Variants in NAALADL2 observed in about 807,000 individuals in gnomAD.
NAALADL2 encodes inactive N-acetylated-alpha-linked acidic dipeptidase-like protein 2.
In NAALADL2, 76 loss-of-function variants were observed where a neutral mutation model predicts 87.2. That is an observed-to-expected ratio of 0.87 (90% CI 0.72 to 1.05). NAALADL2 has a LOEUF of 1.05. NAALADL2 is among the 50% of genes least tolerant of loss of function. NAALADL2 has a pLI of 0.00. For synonymous variants in NAALADL2, 354 were observed against 331.0 expected, an observed-to-expected ratio of 1.07 and a Z score of -0.75; for missense variants, 1,089 against 945.8, an observed-to-expected ratio of 1.15 and a Z score of -1.99.
chr3:175,211,213 C>T (rs951239794), intron 2 of NAALADL2, among the ~76,000 whole-genome samples: 5 of 151,754 alleles, frequency 3.3e-5, no homozygotes, highest in Non-Finnish European at 5.9e-5. Context: ...ATTGAAACTG[C>T]CTTGGAAAAA....
At chr3:174,974,366 A>AT (rs1407969295) in intron 1 of NAALADL2, among the ~76,000 whole-genome samples, 1 of 152,132 alleles carries the variant, frequency 6.6e-6, no homozygotes, top group Non-Finnish European at 1.5e-5. Context: ...TGTCCAATAA[A>AT]TTTTTTGAAA....
chr3:175,704,678 C>T (rs1162352293), intron 11 of NAALADL2, among the ~76,000 whole-genome samples: 1 of 152,044 alleles, frequency 6.6e-6, no homozygotes, highest in Non-Finnish European at 1.5e-5. Context: ...TGATCTATAC[C>T]TTTGTTTCTC....
intron 11 of NAALADL2, among the ~76,000 whole-genome samples, chr3:175,651,452 C>T (rs900590567): frequency 6.6e-6 from 1 of 152,116 alleles, no homozygotes; most frequent in African/African-American, 2.4e-5. Context: ...TGGCTGGTTT[C>T]ACTCTAATTC....
intron 13 of NAALADL2, among the ~76,000 whole-genome samples, chr3:175,772,807 C>T (rs917608343): frequency 8.5e-5 from 13 of 152,092 alleles, no homozygotes; most frequent in East Asian, 7.7e-4. Context: ...AGATCCTTCC[C>T]GCTGTTGTAA....
At chr3:174,767,590 TA>T (rs1713983226) in intron 3 of NAALADL2, among the ~76,000 whole-genome samples, 1 of 152,144 alleles carries the variant, frequency 6.6e-6, no homozygotes, top group Non-Finnish European at 1.5e-5. Context: ...TTCACTAGCT[TA>T]CCCACGCCAG....
At chr3:175,470,190 C>T (rs2161042) in intron 8 of NAALADL2, among the ~76,000 whole-genome samples, 104,522 of 151,952 alleles carry the variant, frequency 0.69, 36,217 homozygotes, top group East Asian at 0.76. Flanking sequence ...TAACACATTT[C>T]CTTTTTCTAT....
chr3:174,984,730 A>G (rs1339444456), intron 1 of NAALADL2, among the ~76,000 whole-genome samples: 4 of 152,218 alleles, frequency 2.6e-5, no homozygotes, highest in Admixed American at 2.0e-4. Flanking sequence ...AATTTGAAGT[A>G]AACTTGAAGA....
At chr3:174,571,984 A>C (rs1714983744) in intron 2 of NAALADL2, among the ~76,000 whole-genome samples, 1 of 152,204 alleles carries the variant, frequency 6.6e-6, no homozygotes, top group Non-Finnish European at 1.5e-5. Flanking sequence ...AAAATGAAGA[A>C]AGCTACCCTG....
At chr3:175,757,260 A>G (rs1012983805) in intron 13 of NAALADL2, among the ~76,000 whole-genome samples, 4 of 152,128 alleles carry the variant, frequency 2.6e-5, no homozygotes, top group Admixed American at 2.6e-4. Context: ...TTAATTACAT[A>G]TAAGAAAAAG....
chr3:174,845,175 T>C (rs561605199), intron 3 of NAALADL2, among the ~76,000 whole-genome samples: 11 of 152,212 alleles, frequency 7.2e-5, no homozygotes, highest in Non-Finnish European at 1.5e-4. Flanking sequence ...GGCCAAGGGC[T>C]GACTGAATGG....
intron 6 of NAALADL2, among the ~76,000 whole-genome samples, chr3:175,462,425 T>G (rs1038399430): frequency 3.9e-5 from 6 of 152,186 alleles, no homozygotes; most frequent in Admixed American, 1.3e-4. Context: ...GATTTTCCAT[T>G]TAATTTGTTT....
At chr3:174,561,201 CTT>C (rs200957982) in intron 2 of NAALADL2, among the ~76,000 whole-genome samples, 41,638 of 130,450 alleles carry the variant, frequency 0.32, 7,263 homozygotes, top group East Asian at 0.65. Flanking sequence ...AATAGGATTC[CTT>C]TTTTTTTTTT....
intron 3 of NAALADL2, among the ~76,000 whole-genome samples, chr3:174,764,048 A>G (rs1713446961): frequency 6.6e-6 from 1 of 152,210 alleles, no homozygotes; most frequent in South Asian, 2.1e-4. Context: ...TTTGTGATTC[A>G]GAGAGATTGA....
At chr3:174,785,932 A>G (rs537541301) in intron 3 of NAALADL2, among the ~76,000 whole-genome samples, 1 of 152,096 alleles carries the variant, frequency 6.6e-6, no homozygotes, top group African/African-American at 2.4e-5. Context: ...GGTTATTCTC[A>G]GTTGATATTG....
intron 3 of NAALADL2, among the ~76,000 whole-genome samples, chr3:175,254,619 T>C (rs1749615778): frequency 2.0e-5 from 3 of 152,196 alleles, no homozygotes; most frequent in Non-Finnish European, 4.4e-5. Context: ...ATAGCCTTAT[T>C]ATAAGATGCT....
chr3:174,516,586 A>G (rs1403877133), intron 1 of NAALADL2, among the ~76,000 whole-genome samples: 1 of 152,042 alleles, frequency 6.6e-6, no homozygotes, highest in Non-Finnish European at 1.5e-5. Flanking sequence ...TTTAATATGT[A>G]TCTTGGTATT....
chr3:174,751,170 T>C (rs56221106), intron 3 of NAALADL2, among the ~76,000 whole-genome samples: 12,660 of 152,088 alleles, frequency 0.083, 572 homozygotes, highest in Middle Eastern at 0.14. Context: ...CTAGTGTTGC[T>C]TCATTAAGCA....
intron 13 of NAALADL2, among the ~76,000 whole-genome samples, chr3:175,788,176 C>G (rs914749796): frequency 2.7e-5 from 4 of 149,500 alleles, no homozygotes; most frequent in African/African-American, 9.9e-5. Context: ...TCACTGCATC[C>G]TTGACCTCCC....
At chr3:175,387,211 T>C (rs368267192) in intron 5 of NAALADL2, among the ~76,000 whole-genome samples, 20 of 152,116 alleles carry the variant, frequency 1.3e-4, no homozygotes, top group East Asian at 1.2e-3. Flanking sequence ...ACTGCAGTAG[T>C]GTTCAATACT....
Sources: allele counts gnomAD v4.1 joint callset (sites outside exome capture counted in the v4.1 genomes callset), GRCh38; gene constraint gnomAD v4.1.1; transcripts MANE v1.5; gene names NCBI Gene and HGNC (gene_info 2026-07-23, HGNC 2026-07-21).